Variants in COL23A1 observed in about 807,000 individuals in gnomAD.
The protein encoded by COL23A1 is collagen alpha-1(XXIII) chain.
COL23A1 carries 97 observed loss-of-function variants against 99.3 expected under a neutral mutation model. That is an observed-to-expected ratio of 0.98 (90% CI 0.83 to 1.16). The LOEUF is 1.16. Among genes scored for constraint, COL23A1 ranks in the 50% most tolerant of loss-of-function variants. The pLI is 0.00. For missense variants in COL23A1, 762 were observed against 757.4 expected (o/e 1.01, Z -0.07); for synonymous variants, 320 against 308.2 (o/e 1.04, Z -0.40).
chr5:178,305,211 A>G (rs1758284479), intron 3 of COL23A1, among the ~76,000 whole-genome samples: 1 of 152,232 alleles, frequency 6.6e-6, no homozygotes, highest in African/African-American at 2.4e-5. Context: ...AACAGGCTTC[A>G]GCTTCCAGAA....
chr5:178,253,769 C>T (rs1765161036), intron 16 of COL23A1, among the ~76,000 whole-genome samples: 1 of 152,098 alleles, frequency 6.6e-6, no homozygotes, highest in Admixed American at 6.5e-5. Context: ...GCGGGAGCCG[C>T]CGCGCCCGGC....
At chr5:178,330,011 CCT>C (rs1241870014) in intron 2 of COL23A1, among the ~76,000 whole-genome samples, 3 of 152,096 alleles carry the variant, frequency 2.0e-5, no homozygotes, top group East Asian at 1.9e-4. Context: ...GTCCTCATCC[CCT>C]GTGACTATGG....
chr5:178,382,653 AGCCC>A (rs1763446078), intron 2 of COL23A1, among the ~76,000 whole-genome samples: 1 of 152,112 alleles, frequency 6.6e-6, no homozygotes. Flanking sequence ...TATGTTCTTA[AGCCC>A]CTCCAGTCCC....
At chr5:178,486,862 C>T (rs1013195042) in intron 2 of COL23A1, among the ~76,000 whole-genome samples, 2 of 152,194 alleles carry the variant, frequency 1.3e-5, no homozygotes, top group Non-Finnish European at 2.9e-5. Context: ...GCTAAGATGG[C>T]GTTTCACACC....
rs571616637 is a variant in COL23A1 at position 178,373,968 on chromosome 5, G to A, written c.362-67049C>T. Among the ~76,000 whole-genome samples the A allele has an allele frequency of 1.8e-3, 280 of 152,292 alleles. 2 individuals are homozygous for A. The highest frequency in any genetic ancestry group is 6.1e-3 in the African/African-American group (252 of 41,548). On this transcript the variant is annotated intron_variant, in intron 2 of 28. Coordinates refer to ENST00000390654, the MANE Select transcript of COL23A1 (RefSeq NM_173465.4). ...GCACGAGTGGGGCCGGAGGGGAAGTGCAGCACCGGCGCCCGCACCCTTCAA... is the reference window on the plus strand; with the variant it reads ...GCACGAGTGGGGCCGGAGGGGAAGTACAGCACCGGCGCCCGCACCCTTCAA...
chr5:178,448,545 G>A (rs1011891041), intron 2 of COL23A1, among the ~76,000 whole-genome samples: 5 of 152,204 alleles, frequency 3.3e-5, no homozygotes, highest in African/African-American at 4.8e-5. Context: ...TTCCAAGATC[G>A]AGGACCTAGC....
intron 2 of COL23A1, among the ~76,000 whole-genome samples, chr5:178,418,102 G>A (rs908646606): frequency 1.2e-4 from 19 of 152,320 alleles, no homozygotes; most frequent in Admixed American, 1.2e-3. Flanking sequence ...CAAACCCTAG[G>A]TCTGCCACTT....
chr5:178,409,790 G>A (rs185843958), intron 2 of COL23A1, among the ~76,000 whole-genome samples: 26 of 152,310 alleles, frequency 1.7e-4, no homozygotes, highest in Admixed American at 1.1e-3. Context: ...ATGGCATTTC[G>A]ATCAGTGCTA....
intron 2 of COL23A1, among the ~76,000 whole-genome samples, chr5:178,421,793 C>T (rs555572707): frequency 6.6e-6 from 1 of 152,288 alleles, no homozygotes; most frequent in East Asian, 1.9e-4. Context: ...CGCTTGAACC[C>T]GGGAAGCAGA....
At chr5:178,518,427 G>A (rs1438295268) in intron 2 of COL23A1, among the ~76,000 whole-genome samples, 1 of 151,018 alleles carries the variant, frequency 6.6e-6, no homozygotes, top group Non-Finnish European at 1.5e-5. Flanking sequence ...CTCCCAGACG[G>A]GGTGGTGGCC....
At chr5:178,278,818 C>A (rs188223226) in intron 5 of COL23A1, among the ~76,000 whole-genome samples, 1 of 152,178 alleles carries the variant, frequency 6.6e-6, no homozygotes. Flanking sequence ...GAGTGTGTTG[C>A]GGATGGAATG....
At chr5:178,273,612 G>A (rs1002220367) in intron 5 of COL23A1, among the ~76,000 whole-genome samples, 2 of 152,246 alleles carry the variant, frequency 1.3e-5, no homozygotes, top group Admixed American at 6.5e-5. Flanking sequence ...AGCCGAGCCT[G>A]TGCCTGCACC....
chr5:178,443,420 C>A (rs917049138), intron 2 of COL23A1, among the ~76,000 whole-genome samples: 3 of 152,040 alleles, frequency 2.0e-5, no homozygotes, highest in Non-Finnish European at 4.4e-5. Flanking sequence ...AAACGAAAAT[C>A]TTCTTCTTCT....
intron 2 of COL23A1, among the ~76,000 whole-genome samples, chr5:178,501,080 A>G (rs1758500266): frequency 1.3e-5 from 2 of 152,212 alleles, no homozygotes; most frequent in Non-Finnish European, 2.9e-5. Flanking sequence ...ACTATGCACA[A>G]ATAAAAGCCC....
chr5:178,354,749 G>A (rs1015957701), intron 2 of COL23A1, among the ~76,000 whole-genome samples: 1 of 152,088 alleles, frequency 6.6e-6, no homozygotes, highest in African/African-American at 2.4e-5. Flanking sequence ...GTGAAAACGC[G>A]AGCCAATTAA....
At chr5:178,258,268 T>G (rs1278454841) in intron 12 of COL23A1, among the ~76,000 whole-genome samples, 1 of 134,674 alleles carries the variant, frequency 7.4e-6, no homozygotes, top group Non-Finnish European at 1.6e-5. Context: ...TATATACACA[T>G]GCAAATCAAT....
chr5:178,585,729 T>TGGATGG (rs1562115562), intron 1 of COL23A1, among the ~76,000 whole-genome samples: 1 of 10,998 alleles, frequency 9.1e-5, no homozygotes, highest in African/African-American at 3.0e-4. Flanking sequence ...GGGGTAACAC[T>TGGATGG]CCACAGCCCT....
Position 178,303,781 on chromosome 5 carries a change from G to T in COL23A1, c.406+3094C>A, listed in dbSNP as rs556831923. 1.5e-4 allele frequency among the ~76,000 whole-genome samples: 23 copies of T among 152,280 alleles called. No homozygotes were observed. The South Asian group carries it at 4.8e-3, about 32-fold the overall frequency. ...CATTTATGGACCATCTCCTGAGTGGGGGCCTAACCTGCCCTGAGGAGCCCA... is the reference window on the plus strand; with the variant it reads ...CATTTATGGACCATCTCCTGAGTGGTGGCCTAACCTGCCCTGAGGAGCCCA... On this transcript the variant is annotated intron_variant, in intron 3 of 28. Transcript: ENST00000390654.
At chr5:178,499,803 A>G (rs62391085) in intron 2 of COL23A1, among the ~76,000 whole-genome samples, 10,016 of 152,370 alleles carry the variant, frequency 0.066, 422 homozygotes, top group Middle Eastern at 0.12. Flanking sequence ...AACAATCCAC[A>G]TATCTATCAA....
Sources: allele counts gnomAD v4.1 joint callset (sites outside exome capture counted in the v4.1 genomes callset), GRCh38; gene constraint gnomAD v4.1.1; transcripts MANE v1.5; gene names NCBI Gene and HGNC (gene_info 2026-07-23, HGNC 2026-07-21).